The following ALCAM variants were observed in gnomAD, a reference collection of about 807,000 sequenced individuals.
ALCAM encodes the protein CD166 antigen.
A neutral mutation model predicts 70.9 loss-of-function variants in ALCAM; 30 were observed. The observed-to-expected ratio is 0.42, with a 90% CI of 0.32 to 0.57. The LOEUF is 0.57. Ranked by LOEUF, ALCAM falls within the 20% of genes least tolerant of loss-of-function variation. ALCAM has a pLI of 0.11. For synonymous variants in ALCAM, 249 were observed against 242.5 expected, an observed-to-expected ratio of 1.03 and a Z score of -0.25; for missense variants, 591 against 695.1, an observed-to-expected ratio of 0.85 and a Z score of 1.68.
chr3:105,538,287 G>C (rs1940022308), intron 6 of ALCAM, among the ~76,000 whole-genome samples: 1 of 152,060 alleles, frequency 6.6e-6, no homozygotes, highest in Non-Finnish European at 1.5e-5. Flanking sequence ...ATATTGTAAA[G>C]TATTAATCAT....
chr3:105,564,347 A>G (rs1940698553), intron 14 of ALCAM, among the ~76,000 whole-genome samples: 2 of 152,166 alleles, frequency 1.3e-5, no homozygotes, highest in African/African-American at 4.8e-5. Context: ...AAGCCTCACA[A>G]CACACTGTCA....
chr3:105,400,935 T>A (rs543305094), intron 1 of ALCAM, among the ~76,000 whole-genome samples: 5 of 152,218 alleles, frequency 3.3e-5, no homozygotes, highest in African/African-American at 1.2e-4. Context: ...AATTAAATTT[T>A]AAAAATGTGT....
At chr3:105,549,956 T>G (rs1213104011) in intron 11 of ALCAM, among the ~76,000 whole-genome samples, 171 bp from the exon 12 acceptor site, 1 of 151,420 alleles carries the variant, frequency 6.6e-6, no homozygotes, top group East Asian at 1.9e-4. Flanking sequence ...GATTTACTAA[T>G]CTTTGTAGAT....
Position 105,540,027 on chromosome 3 carries a change from A to T in ALCAM, c.783A>T (p.Lys261Asn). 6.2e-7 allele frequency: 1 copy of T among 1,612,678 alleles called. No homozygotes were observed. The highest frequency in any genetic ancestry group is 1.1e-5 in the South Asian group (1 of 91,042). Residue 261 changes from lysine to asparagine, a missense_variant, in exon 7 of 16, where the codon AAA becomes AAT. By Grantham distance (94) the Lys-to-Asn change is moderately conservative. Transcript: ENST00000306107. ...TGCTGCCACCAAAAAATGCCATCAA[A>T]GAAGGGGATAACATCACTCTTAAAT... is the stretch of plus-strand genomic sequence containing the variant. Reference protein sequence around the residue: ...IQVLPPKNAIKEGDNITLKCL... With the variant: ...IQVLPPKNAINEGDNITLKCL...
At chr3:105,526,088 A>T (rs1939699525) in intron 3 of ALCAM, among the ~76,000 whole-genome samples, 1 of 152,184 alleles carries the variant, frequency 6.6e-6, no homozygotes, top group Non-Finnish European at 1.5e-5. Flanking sequence ...ATAACCAGAC[A>T]TCAAAAATGG....
At position 105,367,194 on chromosome 3, in the gene ALCAM, C is replaced by A. The variant is rs544350457; in HGVS notation, c.-215C>A. 1.2e-5 allele frequency: 7 copies of A among 563,388 alleles called. No individual in the cohort carries two copies. The highest frequency in any genetic ancestry group is 1.0e-4 in the South Asian group (5 of 49,082). The allele number at this position is 563,388 out of a possible 1,614,324, so 34.9% of individuals were successfully genotyped here. A position where few individuals can be genotyped will look rare whatever the true frequency, so the allele number is the denominator to read the frequency against. The stretch of plus-strand genomic sequence containing the variant: ...GAAGGGCCCGTGGGCTGGTGTTGAC[C>A]GGGAGGGAGGAGGAGTTGGGGGCAT... On this transcript the variant is annotated 5_prime_UTR_variant, in exon 1 of 16. Coordinates refer to ENST00000306107, the MANE Select transcript of ALCAM (RefSeq NM_001627.4).
intron 1 of ALCAM, among the ~76,000 whole-genome samples, chr3:105,392,843 G>C (rs1935857765): frequency 6.6e-6 from 1 of 151,982 alleles, no homozygotes; most frequent in Non-Finnish European, 1.5e-5. Flanking sequence ...TTACCCAGGA[G>C]TCATTCAGGA....
In ALCAM at chr3:105,415,338, C is replaced by T. The variant is rs183650761; in HGVS notation, c.73+47857C>T. On this transcript the variant is annotated intron_variant, in intron 1 of 15. Transcript: ENST00000306107. Reference sequence around the variant, plus strand: ...CTGATACAAATAAATCTTATAGATGCGTCCATGCTGTCTTTGGAAGCCCAG... The same window carrying T: ...CTGATACAAATAAATCTTATAGATGTGTCCATGCTGTCTTTGGAAGCCCAG... Among the ~76,000 whole-genome samples, 12 of 152,164 alleles carry T rather than the reference C, an allele frequency of 7.9e-5. No homozygotes were observed. In the East Asian group the frequency reaches 1.7e-3, roughly 22 times the overall value.
intron 1 of ALCAM, among the ~76,000 whole-genome samples, chr3:105,420,429 G>A (rs1235484658): frequency 6.6e-6 from 1 of 151,706 alleles, no homozygotes; most frequent in Non-Finnish European, 1.5e-5. Context: ...TTGCCTCTGA[G>A]AATGTTACTG....
chr3:105,470,863 A>T (rs1243662070), intron 1 of ALCAM, among the ~76,000 whole-genome samples: 1 of 151,298 alleles, frequency 6.6e-6, no homozygotes, highest in Non-Finnish European at 1.5e-5. Flanking sequence ...TTTAATAAGG[A>T]ATGAAATTTT....
Position 105,511,726 on chromosome 3 carries a change from T to C in ALCAM, c.74-8341T>C, listed in dbSNP as rs369933554. Among the ~76,000 whole-genome samples the C allele has an allele frequency of 2.2e-4, 34 of 152,172 alleles. No individual in the cohort carries two copies. The East Asian group carries it at 6.4e-3, about 28-fold the overall frequency. Reference sequence around the variant, plus strand: ...CCTCAGGAGACATAGGCAATGCTAATTGTGATTCATGTGAAGAAAAGAGCA... The same window carrying C: ...CCTCAGGAGACATAGGCAATGCTAACTGTGATTCATGTGAAGAAAAGAGCA... On this transcript the variant is annotated intron_variant, in intron 1 of 15. Coordinates refer to ENST00000306107, the MANE Select transcript of ALCAM (RefSeq NM_001627.4).
intron 1 of ALCAM, among the ~76,000 whole-genome samples, chr3:105,434,942 T>C (rs1937017631): frequency 6.6e-6 from 1 of 152,158 alleles, no homozygotes; most frequent in African/African-American, 2.4e-5. Context: ...ATATATGTGA[T>C]TTAAGAGCAA....
chr3:105,525,266 G>C (rs566903956), intron 3 of ALCAM: 51 of 984,396 alleles, frequency 5.2e-5, no homozygotes, highest in Non-Finnish European at 6.2e-5. Flanking sequence ...AATAATTATA[G>C]TCACTATGAC....
chr3:105,493,585 C>T (rs562155352), intron 1 of ALCAM, among the ~76,000 whole-genome samples: 1 of 151,824 alleles, frequency 6.6e-6, no homozygotes, highest in East Asian at 1.9e-4. Context: ...TACAGTGTGG[C>T]TGGTTTTGAA....
At chr3:105,434,786 A>C (rs909607514) in intron 1 of ALCAM, among the ~76,000 whole-genome samples, 1 of 152,144 alleles carries the variant, frequency 6.6e-6, no homozygotes, top group African/African-American at 2.4e-5. Context: ...GGTGCTCGTG[A>C]AATCATTGTT....
intron 1 of ALCAM, among the ~76,000 whole-genome samples, chr3:105,415,102 C>T (rs1350620441): frequency 6.6e-6 from 1 of 152,068 alleles, no homozygotes; most frequent in Non-Finnish European, 1.5e-5. Context: ...GAACATGCAG[C>T]GTAGTCCTTT....
intron 1 of ALCAM, among the ~76,000 whole-genome samples, chr3:105,474,835 C>A (rs149329226): frequency 6.6e-6 from 1 of 151,416 alleles, no homozygotes; most frequent in African/African-American, 2.4e-5. Context: ...TATTGGCTTA[C>A]TAGTTGTTGT....
At chr3:105,435,837 C>A (rs1344674334) in intron 1 of ALCAM, among the ~76,000 whole-genome samples, 1 of 152,052 alleles carries the variant, frequency 6.6e-6, no homozygotes, top group Non-Finnish European at 1.5e-5. Flanking sequence ...GTCGCCCAGG[C>A]TGGAGTGCAG....
chr3:105,542,152 T>A (rs1940133189), intron 8 of ALCAM, among the ~76,000 whole-genome samples: 1 of 151,894 alleles, frequency 6.6e-6, no homozygotes, highest in Non-Finnish European at 1.5e-5. Context: ...TGTTACAGAA[T>A]AAATTTAACA....
Sources: gnomAD v4.1 joint callset for allele counts (sites outside exome capture counted in the v4.1 genomes callset) on GRCh38, gnomAD v4.1.1 for gene constraint, MANE v1.5 for transcripts, NCBI Gene and HGNC (gene_info 2026-07-23, HGNC 2026-07-21) for gene names.